Variants in CSMD1 observed in about 807,000 individuals in gnomAD.
The protein encoded by CSMD1 is CUB and Sushi multiple domains 1, also known as CUB and sushi domain-containing protein 1.
Under a neutral mutation model 417.5 loss-of-function variants are expected in CSMD1, and 213 were observed. The observed-to-expected ratio is 0.51, with a 90% CI of 0.46 to 0.57. The LOEUF is 0.57. CSMD1 is among the 20% of genes least tolerant of loss of function. CSMD1 has a pLI of 0.00. For missense variants in CSMD1, 6,923 were observed against 4,529.7 expected (o/e 1.53, Z -15.17); for synonymous variants, 2,862 against 1,736.8 (o/e 1.65, Z -16.11).
intron 1 of CSMD1, among the ~76,000 whole-genome samples, chr8:4,830,214 A>G (rs1800070814): frequency 6.6e-6 from 1 of 152,314 alleles, no homozygotes; most frequent in Admixed American, 6.5e-5. Flanking sequence ...AAGTGCTTCT[A>G]ATTTTCAGCC....
At chr8:4,642,048 G>A (rs1314077076) in intron 1 of CSMD1, among the ~76,000 whole-genome samples, 1 of 152,198 alleles carries the variant, frequency 6.6e-6, no homozygotes, top group Non-Finnish European at 1.5e-5. Context: ...GAACCAGTAA[G>A]AACTGACCTA....
chr8:3,875,727 GAAAGAAAGGCAGTC>G (rs1805771293), intron 5 of CSMD1, among the ~76,000 whole-genome samples: 2 of 152,158 alleles, frequency 1.3e-5, no homozygotes, highest in Admixed American at 1.3e-4. Flanking sequence ...GTGGATTGAG[GAAAGAAAGGCAGTC>G]AAAGAAATGG....
intron 6 of CSMD1, among the ~76,000 whole-genome samples, chr8:3,738,802 G>C (rs1165253354): frequency 6.6e-6 from 1 of 152,114 alleles, no homozygotes; most frequent in Non-Finnish European, 1.5e-5. Flanking sequence ...ATACAGATAG[G>C]CTCACACGCG....
rs1433620028 is a variant in CSMD1 at position 3,338,144 on chromosome 8, GTGC to G, written c.3631+5147_3631+5149del. Among the ~76,000 whole-genome samples, 16 of 152,302 alleles carry G rather than the reference GTGC, an allele frequency of 1.1e-4. No individual in the cohort carries two copies. In the East Asian group the frequency reaches 3.1e-3, roughly 29 times the overall value. On this transcript the variant is annotated intron_variant, in intron 23 of 69. Coordinates refer to ENST00000635120, the MANE Select transcript of CSMD1 (RefSeq NM_033225.6). The stretch of plus-strand genomic sequence containing the variant: ...TTGAGGAGTCTGTCATCCCTCTGAG[GTGC>G]TAAAACCAGCCACAAGACACAACGT...
rs17080028 is a variant in CSMD1 at position 3,331,344 on chromosome 8, C to A, written c.3631+11950G>T. Among the ~76,000 whole-genome samples, 8 of 152,118 alleles carry A rather than the reference C, an allele frequency of 5.3e-5. No individual in the cohort carries two copies. In the East Asian group the frequency reaches 1.4e-3, roughly 26 times the overall value. On this transcript the variant is annotated intron_variant, in intron 23 of 69. Coordinates refer to ENST00000635120, the MANE Select transcript of CSMD1 (RefSeq NM_033225.6). ...GTAAAGAATCATGTAACCAGAGGCA[C>A]TGATCAAAATCCCACATAATTTCAG... is the stretch of plus-strand genomic sequence containing the variant.
At chr8:3,480,311 C>A (rs1823195) in intron 11 of CSMD1, among the ~76,000 whole-genome samples, 1 of 151,540 alleles carries the variant, frequency 6.6e-6, no homozygotes, top group Non-Finnish European at 1.5e-5. Context: ...GCATTGAGCA[C>A]AGATCGTGCC....
At chr8:3,633,092 C>A (rs1796862593) in intron 7 of CSMD1, among the ~76,000 whole-genome samples, 1 of 152,200 alleles carries the variant, frequency 6.6e-6, no homozygotes, top group South Asian at 2.1e-4. Flanking sequence ...TAAATAGTTG[C>A]TGACGTCATT....
At chr8:3,110,025 C>T (rs776667728) in intron 43 of CSMD1, 133 bp downstream of exon 43, 20 of 737,724 alleles carry the variant, frequency 2.7e-5, no homozygotes, top group Non-Finnish European at 3.8e-5. Context: ...CTCTGGATTT[C>T]GTTGGTGAAT....
At chr8:3,100,049 A>ACTTG (rs1815617270) in intron 46 of CSMD1, among the ~76,000 whole-genome samples, 1 of 75,960 alleles carries the variant, frequency 1.3e-5, no homozygotes, top group Non-Finnish European at 3.0e-5. Context: ...TTGTTTTTTA[A>ACTTG]CTTGTTTGTT....
chr8:4,828,560 C>G (rs1421237912), intron 1 of CSMD1, among the ~76,000 whole-genome samples: 1 of 152,120 alleles, frequency 6.6e-6, no homozygotes, highest in East Asian at 1.9e-4. Context: ...TGTGCTCTTT[C>G]ACAAACTCCA....
intron 5 of CSMD1, among the ~76,000 whole-genome samples, chr8:3,783,015 A>T (rs534333408): frequency 6.6e-6 from 1 of 152,322 alleles, no homozygotes; most frequent in South Asian, 2.1e-4. Flanking sequence ...CCTATAGCAC[A>T]TCGCAAGCAC....
In CSMD1 at chr8:4,285,968, G is replaced by A. The variant is rs558338672; in HGVS notation, c.415+133985C>T. On this transcript the variant is annotated intron_variant, in intron 3 of 69. Transcript: ENST00000635120. ...TATATCCGCAATGCTATAATTACAC[G>A]TATGCAGTGAGTCACCTTTACCTCT... Among the ~76,000 whole-genome samples, 7 of 152,160 alleles carry A rather than the reference G, an allele frequency of 4.6e-5. No homozygotes were observed. The East Asian group carries it at 5.8e-4, about 13-fold the overall frequency.
In CSMD1 at chr8:4,323,700, G is replaced by A. The variant is rs367567344; in HGVS notation, c.415+96253C>T. Among the ~76,000 whole-genome samples the A allele has an allele frequency of 1.2e-4, 18 of 152,274 alleles. No homozygotes were observed. In the South Asian group the frequency reaches 3.5e-3, roughly 30 times the overall value. ...AATTATATAGGAAATGTATAAAATAGAAGGAAGCCGAGAGGGTATGATTTG... is the reference window on the plus strand; with the variant it reads ...AATTATATAGGAAATGTATAAAATAAAAGGAAGCCGAGAGGGTATGATTTG... On this transcript the variant is annotated intron_variant, in intron 3 of 69. Transcript: ENST00000635120.
chr8:3,834,943 G>T (rs1004445549), intron 5 of CSMD1, among the ~76,000 whole-genome samples: 11 of 152,016 alleles, frequency 7.2e-5, no homozygotes, highest in East Asian at 1.9e-4. Flanking sequence ...AAGACATTTA[G>T]GCAGTCAAAA....
intron 2 of CSMD1, among the ~76,000 whole-genome samples, chr8:4,508,717 A>G (rs549272672): frequency 6.6e-6 from 1 of 152,162 alleles, no homozygotes; most frequent in South Asian, 2.1e-4. Flanking sequence ...TAGCTGCTTC[A>G]AAGGGGAATC....
chr8:2,992,001 T>G (rs1806429272), intron 54 of CSMD1, among the ~76,000 whole-genome samples: 1 of 152,220 alleles, frequency 6.6e-6, no homozygotes, highest in African/African-American at 2.4e-5. Context: ...CATAACAGAT[T>G]TAAATATTCC....
chr8:4,056,023 C>A (rs112782105), intron 3 of CSMD1, among the ~76,000 whole-genome samples: 2 of 151,500 alleles, frequency 1.3e-5, no homozygotes, highest in Non-Finnish European at 2.9e-5. Flanking sequence ...ACACAGATTT[C>A]CTCCTGGGAA....
At chr8:3,506,131 G>A (rs568994867) in intron 10 of CSMD1, among the ~76,000 whole-genome samples, 2 of 152,160 alleles carry the variant, frequency 1.3e-5, no homozygotes, top group Non-Finnish European at 2.9e-5. Context: ...GATAGGTGCG[G>A]CGGCCAGCAG....
chr8:3,451,190 A>T (rs1445978832), intron 12 of CSMD1, among the ~76,000 whole-genome samples: 2 of 152,072 alleles, frequency 1.3e-5, no homozygotes, highest in Admixed American at 6.5e-5. Context: ...AATTTGTTTG[A>T]GTTCATTGTA....
Sources: gnomAD v4.1 joint callset for allele counts (sites outside exome capture counted in the v4.1 genomes callset) on GRCh38, gnomAD v4.1.1 for gene constraint, MANE v1.5 for transcripts, NCBI Gene and HGNC (gene_info 2026-07-23, HGNC 2026-07-21) for gene names.